POU2F1: variants seen among roughly 807,000 people sequenced by gnomAD.
POU2F1 encodes the protein POU class 2 homeobox 1.
In POU2F1, 16 loss-of-function variants were observed where a neutral mutation model predicts 84.9. The ratio of observed to expected loss-of-function variants is 0.19; its 90% CI spans 0.13 to 0.29. The LOEUF is 0.29. Among genes scored for constraint, POU2F1 ranks in the 10% least tolerant of loss-of-function variants. The pLI is 1.00. For synonymous variants in POU2F1, 368 were observed against 368.3 expected, an observed-to-expected ratio of 1.00 and a Z score of 0.01; for missense variants, 738 against 942.6, an observed-to-expected ratio of 0.78 and a Z score of 2.84.
Position 167,425,317 on chromosome 1 carries a change from C to G in POU2F1, c.*9507C>G, listed in dbSNP as rs907658487. ...TATAAACTCAAAACAAACAAAAGAACCAAAGAAAAGGGAAGTCTTCAGCAT... is the reference window on the plus strand; with the variant it reads ...TATAAACTCAAAACAAACAAAAGAAGCAAAGAAAAGGGAAGTCTTCAGCAT... On this transcript the variant is annotated 3_prime_UTR_variant, in exon 16 of 16. Coordinates refer to ENST00000367866, the MANE Select transcript of POU2F1 (RefSeq NM_002697.4). The G allele has an allele frequency of 6.6e-6, 1 of 151,968 alleles. No individual in the cohort carries two copies. Among genetic ancestry groups the G allele is most frequent in the Non-Finnish European group, 1.5e-5 (1 of 68,014 alleles). The allele number at this position is 151,968 out of a possible 1,614,324, so 9.4% of individuals were successfully genotyped here. A position where few individuals can be genotyped will look rare whatever the true frequency, so the allele number is the denominator to read the frequency against.
chr1:167,235,824 G>A (rs1246850211), intron 1 of POU2F1, among the ~76,000 whole-genome samples: 2 of 152,112 alleles, frequency 1.3e-5, no homozygotes, highest in Non-Finnish European at 2.9e-5. Flanking sequence ...AATTAATGCA[G>A]GAACAGAAAA....
chr1:167,335,873 T>A (rs907161018), intron 2 of POU2F1, among the ~76,000 whole-genome samples: 1 of 152,250 alleles, frequency 6.6e-6, no homozygotes, highest in Non-Finnish European at 1.5e-5. Flanking sequence ...CCAACCTAGT[T>A]ATACAGCTGA....
At position 167,424,151 on chromosome 1, in the gene POU2F1, A is replaced by C. The variant is rs2101970746; in HGVS notation, c.*8341A>C. 1 of 152,402 alleles carries C rather than the reference A, an allele frequency of 6.6e-6. No homozygotes were observed. Among genetic ancestry groups the C allele is most frequent in the South Asian group, 2.1e-4 (1 of 4,834 alleles). The allele number at this position is 152,402 out of a possible 1,614,324, so 9.4% of individuals were successfully genotyped here. On this transcript the variant is annotated 3_prime_UTR_variant, in exon 16 of 16. Coordinates refer to ENST00000367866, the MANE Select transcript of POU2F1 (RefSeq NM_002697.4). ...TCCTGCGTGAGTCTGCAGAAGGCAC[A>C]CACTTTGTAAGAGTAGAGTGGACTA...
In POU2F1 at chr1:167,319,765, T is replaced by A. The variant is rs1571293860; in HGVS notation, c.62-12705T>A. Among the ~76,000 whole-genome samples, 4 of 152,018 alleles carry A rather than the reference T, an allele frequency of 2.6e-5. No homozygotes were observed. The East Asian group carries it at 7.8e-4, about 30-fold the overall frequency. ...CTACACATACGTGCACATAAGCTAG[T>A]CTCCCAAACGAGGGAATATGGGTGG... On this transcript the variant is annotated intron_variant, in intron 1 of 15. Transcript: ENST00000367866.
At chr1:167,305,560 T>C (rs1052570237) in intron 1 of POU2F1, among the ~76,000 whole-genome samples, 2 of 152,228 alleles carry the variant, frequency 1.3e-5, no homozygotes, top group Non-Finnish European at 2.9e-5. Context: ...TTATTCCTGG[T>C]ACGGTGTGGA....
Position 167,389,571 on chromosome 1 carries a change from T to C in POU2F1, c.814-17T>C. 1.2e-6 allele frequency: 2 copies of C among 1,613,866 alleles called. No homozygotes were observed. Among genetic ancestry groups the C allele is most frequent in the Non-Finnish European group, 1.7e-6 (2 of 1,179,782 alleles). ...CTTCACGTGTTTTTCCTCATTGTTT[T>C]ATTCTTTCTCCAACAGCCAGCAACC... On this transcript the variant is annotated splice_polypyrimidine_tract_variant and intron_variant, in intron 8 of 15. Coordinates refer to ENST00000367866, the MANE Select transcript of POU2F1 (RefSeq NM_002697.4).
intron 2 of POU2F1, among the ~76,000 whole-genome samples, chr1:167,359,336 C>T (rs1036509337): frequency 3.3e-5 from 5 of 152,118 alleles, no homozygotes; most frequent in Non-Finnish European, 5.9e-5. Flanking sequence ...AGTTTTTCAG[C>T]CCTTGCCTTC....
intron 1 of POU2F1, among the ~76,000 whole-genome samples, chr1:167,264,174 T>A (rs1333947875): frequency 6.6e-6 from 1 of 152,110 alleles, no homozygotes; most frequent in Non-Finnish European, 1.5e-5. Context: ...TACAGCTAAT[T>A]TATAGTGGTA....
rs540333265 is a variant in POU2F1 at position 167,364,757 on chromosome 1, CAG to C, written c.128-709_128-708del. Among the ~76,000 whole-genome samples the C allele has an allele frequency of 4.8e-3, 735 of 151,590 alleles. 2 individuals are homozygous for C. The highest frequency in any genetic ancestry group is 0.015 in the South Asian group (70 of 4,776). Reference sequence around the variant, plus strand: ...ACACCTGGCCGATTTTTTATAGAGACAGGGTTTCACCATGCTGCCCAAGCTGA... The same window carrying C: ...ACACCTGGCCGATTTTTTATAGAGACGGTTTCACCATGCTGCCCAAGCTGA... On this transcript the variant is annotated intron_variant, in intron 2 of 15. Coordinates refer to ENST00000367866, the MANE Select transcript of POU2F1 (RefSeq NM_002697.4).
chr1:167,277,909 C>T, intron 1 of POU2F1, among the ~76,000 whole-genome samples: 1 of 152,184 alleles, frequency 6.6e-6, no homozygotes, highest in East Asian at 1.9e-4. Flanking sequence ...AATCCATATT[C>T]TCTGCTGTCT....
chr1:167,391,131 G>T (rs993520955), intron 9 of POU2F1, among the ~76,000 whole-genome samples: 2 of 152,020 alleles, frequency 1.3e-5, no homozygotes, highest in African/African-American at 4.8e-5. Context: ...TTAGAGACAG[G>T]GTCTCGCTAT....
chr1:167,317,304 C>A (rs1406776873), intron 1 of POU2F1, among the ~76,000 whole-genome samples: 1 of 152,178 alleles, frequency 6.6e-6, no homozygotes, highest in East Asian at 1.9e-4. Context: ...TTTGTCATTA[C>A]ACCTTTTGGT....
chr1:167,303,942 G>A (rs1042724640), intron 1 of POU2F1, among the ~76,000 whole-genome samples: 2 of 152,070 alleles, frequency 1.3e-5, no homozygotes, highest in Non-Finnish European at 2.9e-5. Context: ...TTTAATAGAA[G>A]CACTTTGTAA....
rs1650941696 is a variant in POU2F1, at chr1:167,426,261, CTT to C, written c.*10452_*10453del. The C allele has an allele frequency of 6.6e-6, 1 of 151,832 alleles. No individual in the cohort carries two copies. 9.4% of individuals were successfully genotyped at this position (151,832 alleles called of 1,614,324 possible). Reference sequence around the variant, plus strand: ...TTAAAAAAAAAATGTCGTTTAACTTCTTGTTTGTTTCAGTGTAATGCTCTTAA... The same window carrying C: ...TTAAAAAAAAAATGTCGTTTAACTTCGTTTGTTTCAGTGTAATGCTCTTAA... On this transcript the variant is annotated 3_prime_UTR_variant, in exon 16 of 16. Coordinates refer to ENST00000367866, the MANE Select transcript of POU2F1 (RefSeq NM_002697.4).
At position 167,419,016 on chromosome 1, in the gene POU2F1, T is replaced by G. The variant is rs558782924; in HGVS notation, c.*3206T>G. The G allele has an allele frequency of 1.8e-4, 28 of 152,352 alleles. No individual in the cohort carries two copies. The highest frequency in any genetic ancestry group is 2.1e-4 in the South Asian group (1 of 4,822). 9.4% of individuals were successfully genotyped at this position (152,352 alleles called of 1,614,324 possible). On this transcript the variant is annotated 3_prime_UTR_variant, in exon 16 of 16. Coordinates refer to ENST00000367866, the MANE Select transcript of POU2F1 (RefSeq NM_002697.4). ...AACACTAATATAGCTTTTTGGTGGT[T>G]GTTTAGTTTAAAATCAACTCCCTAT...
At chr1:167,287,723 C>T (rs985837823) in intron 1 of POU2F1, among the ~76,000 whole-genome samples, 5 of 152,196 alleles carry the variant, frequency 3.3e-5, no homozygotes, top group Admixed American at 6.5e-5. Context: ...GGATAGTTCT[C>T]AGCTGCTATC....
intron 1 of POU2F1, among the ~76,000 whole-genome samples, chr1:167,282,185 C>G (rs978319992): frequency 1.3e-5 from 2 of 151,756 alleles, no homozygotes; most frequent in African/African-American, 4.8e-5. Flanking sequence ...CTCTGTCGCC[C>G]AGGCTGGAAT....
intron 1 of POU2F1, among the ~76,000 whole-genome samples, chr1:167,290,902 G>A (rs896844777): frequency 1.3e-5 from 2 of 152,028 alleles, no homozygotes; most frequent in African/African-American, 4.8e-5. Flanking sequence ...AAAACCAGCT[G>A]GATGTGGTTG....
chr1:167,401,649 C>T, intron 13 of POU2F1, 93 bp downstream of exon 13: 1 of 697,046 alleles, frequency 1.4e-6, no homozygotes, highest in Non-Finnish European at 2.2e-6. Flanking sequence ...GAATTAAGGC[C>T]CTAACTAAAG....
Sources: allele counts gnomAD v4.1 joint callset (sites outside exome capture counted in the v4.1 genomes callset), GRCh38; gene constraint gnomAD v4.1.1; transcripts MANE v1.5; gene names NCBI Gene and HGNC (gene_info 2026-07-23, HGNC 2026-07-21).